The following SCML4 variants were observed in gnomAD, a reference collection of about 807,000 sequenced individuals.
SCML4 encodes sex comb on midleg-like protein 4.
SCML4 carries 34 observed loss-of-function variants against 41.1 expected under a neutral mutation model. The observed-to-expected ratio is 0.83, with a 90% confidence interval of 0.63 to 1.10. SCML4 has a LOEUF of 1.10. SCML4 is among the 50% of genes least tolerant of loss of function. SCML4 has a pLI of 0.00. For synonymous variants in SCML4, 214 were observed against 220.9 expected (o/e 0.97, Z 0.28); for missense variants, 522 against 534.1 (o/e 0.98, Z 0.22).
intron 1 of SCML4, among the ~76,000 whole-genome samples, chr6:107,818,730 T>C (rs1396395898): frequency 1.3e-5 from 2 of 152,238 alleles, no homozygotes; most frequent in African/African-American, 4.8e-5. Context: ...CGCCTTGTGT[T>C]TTTCTCTTCG....
chr6:107,799,689 G>A (rs535324873), intron 1 of SCML4, among the ~76,000 whole-genome samples: 59 of 150,910 alleles, frequency 3.9e-4, no homozygotes, highest in Admixed American at 6.6e-4. Context: ...TCTGCTTTTT[G>A]CCTGTAAATC....
At chr6:107,838,872 A>C in the SCML4 span, among the ~76,000 whole-genome samples, 7,694 of 152,284 alleles carry the variant, frequency 0.051, 571 homozygotes, top group East Asian at 0.16. Context: ...CTTTATTGGG[A>C]GGATGAAGGG....
At chr6:107,815,169 C>G (rs899628112) in intron 1 of SCML4, among the ~76,000 whole-genome samples, 1 of 152,070 alleles carries the variant, frequency 6.6e-6, no homozygotes, top group Non-Finnish European at 1.5e-5. Context: ...CACAGGTGCT[C>G]AACAGTGATG....
chr6:107,732,916 A>G (rs943294075), intron 5 of SCML4, among the ~76,000 whole-genome samples: 1 of 152,232 alleles, frequency 6.6e-6, no homozygotes, highest in Non-Finnish European at 1.5e-5. Context: ...TCCTTTCTAA[A>G]TGGACATCTC....
At chr6:107,720,093 G>A (rs968454974) in intron 6 of SCML4, 27 of 985,276 alleles carry the variant, frequency 2.7e-5, no homozygotes, top group Admixed American at 2.5e-4. Context: ...TTTGTATCCT[G>A]AAGGTGACAC....
intron 1 of SCML4, among the ~76,000 whole-genome samples, chr6:107,817,731 C>T (rs964485743): frequency 6.6e-6 from 1 of 151,010 alleles, no homozygotes; most frequent in Non-Finnish European, 1.5e-5. Context: ...TGCCAAATGA[C>T]TTCTAACTAA....
At chr6:107,832,356 G>T in the SCML4 span, among the ~76,000 whole-genome samples, 1 of 152,086 alleles carries the variant, frequency 6.6e-6, no homozygotes, top group Non-Finnish European at 1.5e-5. Context: ...ATCATCTTAC[G>T]CCTGGCTTCC....
At chr6:107,763,490 G>A (rs1195465060) in intron 2 of SCML4, among the ~76,000 whole-genome samples, 2 of 151,510 alleles carry the variant, frequency 1.3e-5, no homozygotes, top group Non-Finnish European at 2.9e-5. Flanking sequence ...AGGTTCAAGC[G>A]ATTCTCCTGC....
intron 5 of SCML4, among the ~76,000 whole-genome samples, chr6:107,742,836 G>A (rs972942149): frequency 4.6e-5 from 7 of 152,060 alleles, no homozygotes; most frequent in African/African-American, 1.2e-4. Flanking sequence ...AAAACACTGC[G>A]GGTACAAAGC....
chr6:107,787,204 A>G (rs546201015), intron 1 of SCML4, among the ~76,000 whole-genome samples: 109 of 152,358 alleles, frequency 7.2e-4, no homozygotes, highest in African/African-American at 2.4e-3. Context: ...GAAAGCTTGG[A>G]TGGTATAAAG....
At chr6:107,837,083 G>C in the SCML4 span, among the ~76,000 whole-genome samples, 1 of 152,250 alleles carries the variant, frequency 6.6e-6, no homozygotes, top group South Asian at 2.1e-4. Flanking sequence ...CTGAGTTCCT[G>C]ACTCTCAGTC....
At chr6:107,711,683 C>T (rs1774233823) in intron 6 of SCML4, among the ~76,000 whole-genome samples, 1 of 152,174 alleles carries the variant, frequency 6.6e-6, no homozygotes, top group African/African-American at 2.4e-5. Flanking sequence ...ATACAAAAGC[C>T]TGTGTGTGTA....
At position 107,707,904 on chromosome 6, in the gene SCML4, G is replaced by A; in HGVS notation, c.1081C>T (p.Gln361Ter). The A allele has an allele frequency of 3.2e-6, 5 of 1,551,722 alleles. No individual in the cohort carries two copies. Among genetic ancestry groups the A allele is most frequent in the Non-Finnish European group, 1.7e-6 (2 of 1,147,004 alleles). The part of the protein sequence containing the change: ...VVWFVKDADP[Q>*]ALGPHVELFR... ...AGCTCCACGTGAGGCCCCAGAGCCTGTGGGTCGGCGTCCTTCACAAACCAC... is the reference window on the plus strand; with the variant it reads ...AGCTCCACGTGAGGCCCCAGAGCCTATGGGTCGGCGTCCTTCACAAACCAC... Residue 361 changes from glutamine to a stop codon, truncating the protein, a stop_gained, in exon 7 of 8, where the codon CAG becomes TAG. Coordinates refer to ENST00000369020, the MANE Select transcript of SCML4 (RefSeq NM_198081.5). LOFTEE classifies it high-confidence loss of function.
intron 1 of SCML4, among the ~76,000 whole-genome samples, chr6:107,776,034 A>G (rs1030723313): frequency 7.9e-5 from 12 of 152,172 alleles, no homozygotes; most frequent in Non-Finnish European, 1.8e-4. Context: ...AAAAAAAGAA[A>G]CATTAAAAAG....
chr6:107,748,884 G>A (rs889765424), intron 3 of SCML4, among the ~76,000 whole-genome samples: 3 of 152,294 alleles, frequency 2.0e-5, no homozygotes, highest in African/African-American at 7.2e-5. Flanking sequence ...GGGAGGAACA[G>A]GGTGGCCCGA....
intron 2 of SCML4, among the ~76,000 whole-genome samples, chr6:107,762,637 G>C (rs1432762261): frequency 6.6e-6 from 1 of 152,092 alleles, no homozygotes; most frequent in African/African-American, 2.4e-5. Context: ...ACACACAGAT[G>C]GAAGATGATG....
intron 5 of SCML4, among the ~76,000 whole-genome samples, chr6:107,733,695 C>T (rs765676302): frequency 6.6e-5 from 10 of 152,178 alleles, no homozygotes; most frequent in African/African-American, 2.2e-4. Context: ...CTGGAGGCCT[C>T]GAATGGCTGC....
intron 5 of SCML4, among the ~76,000 whole-genome samples, chr6:107,730,299 C>T (rs557338755): frequency 2.6e-5 from 4 of 152,094 alleles, no homozygotes; most frequent in South Asian, 4.2e-4. Context: ...CACAGAGTCC[C>T]GGCAGACCGT....
chr6:107,837,070 A>G, the SCML4 span, among the ~76,000 whole-genome samples: 5 of 152,158 alleles, frequency 3.3e-5, no homozygotes, highest in Admixed American at 6.5e-5. Flanking sequence ...TCCAGAGCTT[A>G]TCCTGAGTTC....
Sources: gnomAD v4.1 joint callset for allele counts (sites outside exome capture counted in the v4.1 genomes callset) on GRCh38, gnomAD v4.1.1 for gene constraint, MANE v1.5 for transcripts, NCBI Gene and HGNC (gene_info 2026-07-23, HGNC 2026-07-21) for gene names.